Variants in SCAF11 observed in about 807,000 individuals in gnomAD.
SCAF11 encodes protein SCAF11.
In SCAF11, 47 loss-of-function variants were observed where a neutral mutation model predicts 140.5. The observed-to-expected ratio is 0.33, with a 90% confidence interval of 0.26 to 0.43. The LOEUF is 0.43. Among genes scored for constraint, SCAF11 ranks in the 20% least tolerant of loss-of-function variants. The probability of loss-of-function intolerance (pLI) is 1.00; values close to 1 mark genes in which losing one functional copy is unlikely to be tolerated. For missense variants in SCAF11, 1,645 were observed against 1,705.1 expected (o/e 0.96, Z 0.62); for synonymous variants, 557 against 579.4 (o/e 0.96, Z 0.55).
chr12:45,927,671 A>C lies in SCAF11; in HGVS notation c.2030T>G (p.Leu677Trp). 6.2e-7 allele frequency: 1 copy of C among 1,612,108 alleles called. No homozygotes were observed. Among genetic ancestry groups the C allele is most frequent in the Non-Finnish European group, 8.5e-7 (1 of 1,179,922 alleles). ...LLKNNLLNTK[L>W]EKSLEEKNES... ...ATTCTTTTCTTCTAAAGATTTTTCC[A>C]ATTTGGTGTTCAGAAGATTATTTTT... The change falls in exon 11 of 15, where the codon TTG (leucine) becomes TGG (tryptophan). Residue 677 changes from leucine to tryptophan, a missense_variant. This residue lies in a region of SCAF11 where 1,582 missense variants were observed against 1,609.2 expected (regional missense o/e 0.98). Transcript: ENST00000369367.
intron 6 of SCAF11, among the ~76,000 whole-genome samples, chr12:45,936,299 G>A (rs1043097650): frequency 1.3e-5 from 2 of 151,922 alleles, no homozygotes; most frequent in South Asian, 2.1e-4. Flanking sequence ...ACACCACCAC[G>A]CCCGGCTAAT....
chr12:45,983,614 T>G (rs927922094), intron 1 of SCAF11, among the ~76,000 whole-genome samples: 1 of 152,046 alleles, frequency 6.6e-6, no homozygotes, highest in African/African-American at 2.4e-5. Flanking sequence ...CCACTGGACT[T>G]AGATAAATGT....
intron 1 of SCAF11, among the ~76,000 whole-genome samples, chr12:45,971,864 A>C (rs1946082144): frequency 6.6e-6 from 1 of 152,162 alleles, no homozygotes; most frequent in Non-Finnish European, 1.5e-5. Flanking sequence ...ACTCTGGGCC[A>C]ATCTTGTTGA....
intron 1 of SCAF11, among the ~76,000 whole-genome samples, chr12:45,976,553 C>T (rs1329290621): frequency 6.6e-6 from 1 of 151,930 alleles, no homozygotes; most frequent in African/African-American, 2.4e-5. Context: ...ACTACTATAC[C>T]CAGTTCCCTT....
chr12:45,955,925 T>C (rs1019507894), intron 3 of SCAF11: 7 of 570,554 alleles, frequency 1.2e-5, no homozygotes, highest in Middle Eastern at 6.4e-4. Context: ...AAACAGAGCA[T>C]ATGTTTTACT....
At chr12:45,941,974 G>A (rs1945313221) in intron 6 of SCAF11, among the ~76,000 whole-genome samples, 1 of 152,146 alleles carries the variant, frequency 6.6e-6, no homozygotes, top group Non-Finnish European at 1.5e-5. Context: ...GTGAAGACAA[G>A]GACAAAGACC....
chr12:45,950,991 TAAC>T (rs1945535962), intron 4 of SCAF11, among the ~76,000 whole-genome samples: 2 of 152,286 alleles, frequency 1.3e-5, no homozygotes, highest in South Asian at 4.1e-4. Context: ...CTCATATACT[TAAC>T]TACTACTCTT....
chr12:45,940,715 C>G (rs1945275755), intron 6 of SCAF11, among the ~76,000 whole-genome samples: 1 of 152,194 alleles, frequency 6.6e-6, no homozygotes, highest in Admixed American at 6.5e-5. Context: ...GTTAGTTTAT[C>G]TAAAACAGTT....
At chr12:45,949,377 ATTTTAAAATAT>A (rs1945497862) in intron 4 of SCAF11, among the ~76,000 whole-genome samples, 1 of 152,168 alleles carries the variant, frequency 6.6e-6, no homozygotes, top group Non-Finnish European at 1.5e-5. Flanking sequence ...CTCAATAATA[ATTTTAAAATAT>A]TACATGTTGA....
At chr12:45,951,239 A>C (rs1242629632) in intron 4 of SCAF11, among the ~76,000 whole-genome samples, 1 of 152,128 alleles carries the variant, frequency 6.6e-6, no homozygotes, top group Non-Finnish European at 1.5e-5. Flanking sequence ...TGAATCTAAT[A>C]CTTCATTTCA....
At chr12:45,961,508 T>A in intron 3 of SCAF11, 192 bp downstream of exon 3, 3 of 585,994 alleles carry the variant, frequency 5.1e-6, no homozygotes, top group Non-Finnish European at 9.0e-6. Context: ...TAAAATATTA[T>A]TTGCAAAATC....
intron 3 of SCAF11, among the ~76,000 whole-genome samples, chr12:45,960,123 CA>C (rs1351074576): frequency 6.6e-6 from 1 of 152,102 alleles, no homozygotes; most frequent in African/African-American, 2.4e-5. Context: ...TAAGTATGTG[CA>C]TCATCTACAA....
chr12:45,989,615 T>C (rs1349115097), intron 1 of SCAF11, among the ~76,000 whole-genome samples: 1 of 152,226 alleles, frequency 6.6e-6, no homozygotes, highest in Non-Finnish European at 1.5e-5. Flanking sequence ...GGAAATCTTT[T>C]TAATGGTTCA....
intron 1 of SCAF11, among the ~76,000 whole-genome samples, chr12:45,984,248 T>C (rs1485522135): frequency 6.6e-6 from 1 of 152,222 alleles, no homozygotes; most frequent in Non-Finnish European, 1.5e-5. Flanking sequence ...CCTTAAAGCT[T>C]ATAGATTAGT....
At chr12:45,934,029 T>TC (rs1034919502) in intron 8 of SCAF11, 147 bp downstream of exon 8, 61 of 521,926 alleles carry the variant, frequency 1.2e-4, no homozygotes, top group Middle Eastern at 5.1e-4. Flanking sequence ...TAGTTTACCT[T>TC]CCCCCCCGCC....
At position 45,990,388 on chromosome 12, in the gene SCAF11, G is replaced by A; in HGVS notation, c.-57C>T. 4 of 1,232,546 alleles carry A rather than the reference G, an allele frequency of 3.2e-6. No homozygotes were observed. The highest frequency in any genetic ancestry group is 4.0e-6 in the Non-Finnish European group (4 of 988,694). 76.4% of individuals were successfully genotyped at this position (1,232,546 alleles called of 1,614,324 possible). The stretch of plus-strand genomic sequence containing the variant: ...GGTCGAGGCGCTCGGTCCGGCCGCG[G>A]CCCCACAGTAGGTTCCCAGGTCCCA... On this transcript the variant is annotated 5_prime_UTR_variant, in exon 1 of 15. Transcript: ENST00000369367.
intron 1 of SCAF11, among the ~76,000 whole-genome samples, chr12:45,976,437 T>A (rs147035575): frequency 6.6e-6 from 1 of 152,274 alleles, no homozygotes; most frequent in East Asian, 1.9e-4. Context: ...AGTTAAACTT[T>A]ATCATGAGTA....
intron 3 of SCAF11, chr12:45,953,880 C>A: frequency 9.6e-7 from 1 of 1,037,432 alleles, no homozygotes; most frequent in Non-Finnish European, 1.3e-6. Context: ...GTGGCATATA[C>A]TAAATATTAT....
chr12:45,991,906 C>CCG, upstream of SCAF11: 1 of 1,287,206 alleles, frequency 7.8e-7, no homozygotes, highest in Non-Finnish European at 1.0e-6. Flanking sequence ...TCGCTTTCAG[C>CCG]CGCGCGCTCA....
Sources: allele counts gnomAD v4.1 joint callset (sites outside exome capture counted in the v4.1 genomes callset), GRCh38; gene constraint gnomAD v4.1.1; regional missense constraint gnomAD v4.1.1; transcripts MANE v1.5; gene names NCBI Gene and HGNC (gene_info 2026-07-23, HGNC 2026-07-21).